The following SYNGR1 variants were observed in gnomAD, a reference collection of about 807,000 sequenced individuals.
SYNGR1 encodes synaptogyrin-1.
In SYNGR1, 14 loss-of-function variants were observed where a neutral mutation model predicts 26.1. That is an observed-to-expected ratio of 0.54 (90% CI 0.35 to 0.84). The LOEUF is 0.84. Among genes scored for constraint, SYNGR1 ranks in the 40% least tolerant of loss-of-function variants. The pLI, the probability that SYNGR1 is intolerant of heterozygous loss-of-function variation, is 0.01. For missense variants in SYNGR1, 319 were observed against 332.9 expected (o/e 0.96, Z 0.33); for synonymous variants, 141 against 150.1 (o/e 0.94, Z 0.44).
chr22:39,365,766 G>A (rs912449791), intron 1 of SYNGR1, among the ~76,000 whole-genome samples: 1 of 151,984 alleles, frequency 6.6e-6, no homozygotes, highest in Non-Finnish European at 1.5e-5. Flanking sequence ...ATTTGCAGGC[G>A]ACGGCTCTGC....
intron 2 of SYNGR1, chr22:39,375,690 C>CT: frequency 1.7e-6 from 1 of 581,590 alleles, no homozygotes; most frequent in South Asian, 2.2e-5. Flanking sequence ...AGCGGTGTGG[C>CT]TGGACATGGG....
At chr22:39,373,868 G>A (rs1450305159) in intron 1 of SYNGR1, among the ~76,000 whole-genome samples, 1 of 152,256 alleles carries the variant, frequency 6.6e-6, no homozygotes, top group African/African-American at 2.4e-5. Context: ...CAGCTCTGCA[G>A]AGGGAAGGAG....
rs765283721 is a variant in SYNGR1, at chr22:39,384,004, G to T, written c.*2090G>T. 2.6e-5 allele frequency: 4 copies of T among 152,390 alleles called. No individual in the cohort carries two copies. The highest frequency in any genetic ancestry group is 2.6e-4 in the Admixed American group (4 of 15,282). 9.4% of individuals were successfully genotyped at this position (152,390 alleles called of 1,614,324 possible). ...GAAGGGGCTCTGTCCACAGTCCCCCGCCGCCAGGTGGCCCACATGGGACCA... is the reference window on the plus strand; with the variant it reads ...GAAGGGGCTCTGTCCACAGTCCCCCTCCGCCAGGTGGCCCACATGGGACCA... On this transcript the variant is annotated 3_prime_UTR_variant, in exon 4 of 4. Transcript: ENST00000328933.
At chr22:39,355,403 T>C (rs1924103456) in intron 1 of SYNGR1, among the ~76,000 whole-genome samples, 2 of 152,260 alleles carry the variant, frequency 1.3e-5, no homozygotes, top group African/African-American at 4.8e-5. Flanking sequence ...TGTTATTTAT[T>C]GCTGACCACC....
At position 39,350,028 on chromosome 22, in the gene SYNGR1, C is replaced by T. The variant is rs770649240; in HGVS notation, c.18C>T (p.Tyr6=). 2.9e-6 allele frequency: 4 copies of T among 1,381,224 alleles called. No homozygotes were observed. The highest frequency in any genetic ancestry group is 3.8e-6 in the Non-Finnish European group (4 of 1,048,406). The allele number at this position is 1,381,224 out of a possible 1,614,324, so 85.6% of individuals were successfully genotyped here. A position where few individuals can be genotyped will look rare whatever the true frequency, so the allele number is the denominator to read the frequency against. MEGGA[Y]GAGKAGGAFD... is the part of the protein sequence containing the mutation. ...CAGCCACGATGGAAGGGGGTGCGTACGGAGCGGGCAAAGCCGGGGGCGCCT... is the reference window on the plus strand; with the variant it reads ...CAGCCACGATGGAAGGGGGTGCGTATGGAGCGGGCAAAGCCGGGGGCGCCT... The change falls in exon 1 of 4, where the codon TAC becomes TAT. Residue 6 remains tyrosine (Y), a synonymous_variant. Coordinates refer to ENST00000328933, the MANE Select transcript of SYNGR1 (RefSeq NM_004711.5). This position sits in a 1 kb window ranked among gnomAD's most constrained non-coding sequence, Gnocchi z 4.3.
chr22:39,361,187 T>C (rs759112273), intron 1 of SYNGR1, among the ~76,000 whole-genome samples: 3 of 152,160 alleles, frequency 2.0e-5, no homozygotes, highest in Non-Finnish European at 4.4e-5. Context: ...TTCTGTGCCT[T>C]TCTTCTCTAG....
chr22:39,360,853 T>C (rs1924438172), intron 1 of SYNGR1, among the ~76,000 whole-genome samples: 2 of 152,172 alleles, frequency 1.3e-5, no homozygotes, highest in African/African-American at 4.8e-5. Flanking sequence ...CTGAAAGGCC[T>C]GGCAGAGCAG....
intron 1 of SYNGR1, chr22:39,364,309 T>G: frequency 6.2e-7 from 1 of 1,613,948 alleles, no homozygotes; most frequent in African/African-American, 1.3e-5. Flanking sequence ...AGGTTCCCCA[T>G]CTGCTGTGGG....
chr22:39,376,356 T>G, intron 3 of SYNGR1, 159 bp downstream of exon 3: 1 of 1,284,444 alleles, frequency 7.8e-7, no homozygotes, highest in Non-Finnish European at 1.1e-6. Context: ...CTCACAGTGG[T>G]GCTGCCTCCC....
At chr22:39,357,324 G>C (rs1924187601) in intron 1 of SYNGR1, among the ~76,000 whole-genome samples, 1 of 152,146 alleles carries the variant, frequency 6.6e-6, no homozygotes, top group Non-Finnish European at 1.5e-5. Flanking sequence ...GCCTGCAGCA[G>C]AGGGGGCACT....
At chr22:39,364,738 G>T (rs537410912) in intron 1 of SYNGR1, among the ~76,000 whole-genome samples, 1 of 152,200 alleles carries the variant, frequency 6.6e-6, no homozygotes, top group East Asian at 1.9e-4. Flanking sequence ...GGCTGCATAG[G>T]GTGGGGAGGG....
intron 1 of SYNGR1, among the ~76,000 whole-genome samples, chr22:39,366,892 C>CTTG (rs1924785549): frequency 1.3e-5 from 2 of 152,208 alleles, no homozygotes; most frequent in Admixed American, 6.5e-5. Context: ...GCCCTCAAGG[C>CTTG]CAACCCATCT....
intron 1 of SYNGR1, among the ~76,000 whole-genome samples, chr22:39,372,779 C>T (rs932605072): frequency 1.3e-5 from 2 of 152,024 alleles, no homozygotes; most frequent in South Asian, 2.1e-4. Context: ...TGGGTGGATC[C>T]ATTCTTAAGC....
At chr22:39,355,092 G>A (rs148169434) in intron 1 of SYNGR1, among the ~76,000 whole-genome samples, 22 of 152,298 alleles carry the variant, frequency 1.4e-4, no homozygotes, top group African/African-American at 5.1e-4. Context: ...AGGCACTCTC[G>A]CTCCAATAAC....
chr22:39,356,312 C>T lies in SYNGR1; in HGVS notation c.99+6203C>T, dbSNP rs1256293681. Among the ~76,000 whole-genome samples the T allele has an allele frequency of 2.0e-5, 3 of 152,188 alleles. No individual in the cohort carries two copies. In the South Asian group the frequency reaches 6.2e-4, roughly 31 times the overall value. ...TCAAGTGATCCGCCTGCCCCGGCCT[C>T]CCAAAGTGCTGGGATTACAGGTGTG... On this transcript the variant is annotated intron_variant, in intron 1 of 3. Coordinates refer to ENST00000328933, the MANE Select transcript of SYNGR1 (RefSeq NM_004711.5).
intron 1 of SYNGR1, among the ~76,000 whole-genome samples, chr22:39,367,828 A>C (rs2145621171): frequency 6.6e-6 from 1 of 151,558 alleles, no homozygotes; most frequent in African/African-American, 2.4e-5. Context: ...GTCTCAAAAA[A>C]AAAAAAAAAA....
chr22:39,363,218 G>A (rs758349193), intron 1 of SYNGR1, among the ~76,000 whole-genome samples: 2 of 151,906 alleles, frequency 1.3e-5, no homozygotes, highest in Non-Finnish European at 2.9e-5. Context: ...GAGCCCTGGC[G>A]TTTGGTGGGG....
intron 1 of SYNGR1, among the ~76,000 whole-genome samples, chr22:39,369,359 C>T (rs1924913914): frequency 1.3e-5 from 2 of 152,158 alleles, no homozygotes; most frequent in African/African-American, 4.8e-5. Context: ...GCTCAGGAGC[C>T]CCTTTGACAA....
intron 1 of SYNGR1, among the ~76,000 whole-genome samples, chr22:39,353,070 C>T (rs1328741117): frequency 1.3e-5 from 2 of 152,178 alleles, no homozygotes; most frequent in African/African-American, 4.8e-5. Context: ...CCATGTTAGC[C>T]AGGCTGGTCT....
Sources: allele counts gnomAD v4.1 joint callset (sites outside exome capture counted in the v4.1 genomes callset), GRCh38; gene constraint gnomAD v4.1.1; non-coding constraint Gnocchi (gnomAD v3.1); transcripts MANE v1.5; gene names NCBI Gene and HGNC (gene_info 2026-07-23, HGNC 2026-07-21).